PPP2R5E: variants seen among roughly 807,000 people sequenced by gnomAD.
The protein encoded by PPP2R5E is serine/threonine-protein phosphatase 2A 56 kDa regulatory subunit epsilon isoform.
PPP2R5E carries 4 observed loss-of-function variants against 65.3 expected under a neutral mutation model. The observed-to-expected ratio is 0.06, with a 90% CI of 0.03 to 0.14. The LOEUF (loss-of-function observed/expected upper bound fraction) is 0.14, where lower values mean the gene tolerates loss of function less well. Among genes scored for constraint, PPP2R5E ranks in the 10% least tolerant of loss-of-function variants. The pLI is 1.00. For missense variants in PPP2R5E, 274 were observed against 556.1 expected, an observed-to-expected ratio of 0.49 and a Z score of 5.10; for synonymous variants, 183 against 187.4, an observed-to-expected ratio of 0.98 and a Z score of 0.19.
intron 2 of PPP2R5E, among the ~76,000 whole-genome samples, chr14:63,515,148 A>C (rs1892616075): frequency 6.6e-6 from 1 of 152,202 alleles, no homozygotes; most frequent in Non-Finnish European, 1.5e-5. Flanking sequence ...AGGGGAAAAA[A>C]GAAGAAAAAA....
intron 5 of PPP2R5E, among the ~76,000 whole-genome samples, chr14:63,403,428 C>A (rs113665021): frequency 6.8e-6 from 1 of 147,672 alleles, no homozygotes; most frequent in Admixed American, 6.8e-5. Flanking sequence ...AGAATAAAGA[C>A]GTTTTCAGAC....
chr14:63,494,896 CA>C (rs1251543964), intron 2 of PPP2R5E, among the ~76,000 whole-genome samples: 1 of 149,462 alleles, frequency 6.7e-6, no homozygotes, highest in Non-Finnish European at 1.5e-5. Flanking sequence ...GACCTTATCT[CA>C]AAAAACAAAA....
chr14:63,379,652 TA>T (rs1448772172), intron 13 of PPP2R5E, among the ~76,000 whole-genome samples: 2 of 152,150 alleles, frequency 1.3e-5, no homozygotes, highest in Non-Finnish European at 2.9e-5. Flanking sequence ...CAACCAGGAA[TA>T]GATAAAATAA....
At chr14:63,409,371 C>T (rs538116237) in intron 5 of PPP2R5E, among the ~76,000 whole-genome samples, 1 of 152,318 alleles carries the variant, frequency 6.6e-6, no homozygotes, top group East Asian at 1.9e-4. Context: ...TACACCTCTG[C>T]ACTCCAGCCT....
intron 12 of PPP2R5E, 95 bp downstream of exon 12, chr14:63,384,349 C>T (rs1294564468): frequency 5.7e-6 from 8 of 1,414,226 alleles, no homozygotes; most frequent in Middle Eastern, 2.5e-4. Context: ...CATACGTCTT[C>T]AGCAACAAGG....
chr14:63,424,552 C>T (rs553315283), intron 3 of PPP2R5E, among the ~76,000 whole-genome samples: 1 of 152,154 alleles, frequency 6.6e-6, no homozygotes, highest in East Asian at 1.9e-4. Flanking sequence ...GAGATTGAGA[C>T]CATCCTGGCT....
At chr14:63,399,090 A>G (rs1270604028) in intron 5 of PPP2R5E, among the ~76,000 whole-genome samples, 1 of 152,236 alleles carries the variant, frequency 6.6e-6, no homozygotes, top group Non-Finnish European at 1.5e-5. Flanking sequence ...AGCAATATTC[A>G]TAATAGCTAA....
intron 3 of PPP2R5E, among the ~76,000 whole-genome samples, chr14:63,439,315 T>C (rs547045323): frequency 6.6e-6 from 1 of 151,934 alleles, no homozygotes; most frequent in East Asian, 1.9e-4. Flanking sequence ...TCACCTGGGA[T>C]CACATAGTTC....
intron 4 of PPP2R5E, among the ~76,000 whole-genome samples, chr14:63,417,163 T>C (rs998385117): frequency 3.9e-5 from 6 of 152,202 alleles, no homozygotes; most frequent in Admixed American, 1.3e-4. Context: ...TATTGGTTCA[T>C]TGAGTTACGC....
At chr14:63,478,566 T>G (rs529668750) in intron 2 of PPP2R5E, among the ~76,000 whole-genome samples, 109 of 147,186 alleles carry the variant, frequency 7.4e-4, no homozygotes, top group African/African-American at 2.8e-3. Flanking sequence ...ACAGTACAGG[T>G]AATGCAGATT....
rs1435549142 is a variant in PPP2R5E at position 63,542,818 on chromosome 14, C to G, written c.-47G>C. ...GGAAGAATCCAAAGATGATCTGTGG[C>G]TTGGAGGGGCGGGAGACGGGCGAGG... On this transcript the variant is annotated 5_prime_UTR_variant, in exon 1 of 14. Coordinates refer to ENST00000337537, the MANE Select transcript of PPP2R5E (RefSeq NM_006246.5). The G allele has an allele frequency of 6.5e-6, 1 of 152,686 alleles. No individual in the cohort carries two copies. The highest frequency in any genetic ancestry group is 1.5e-5 in the Non-Finnish European group (1 of 68,118). 9.5% of individuals were successfully genotyped at this position (152,686 alleles called of 1,614,324 possible).
chr14:63,412,941 A>G (rs1886482348), intron 5 of PPP2R5E, among the ~76,000 whole-genome samples: 1 of 152,236 alleles, frequency 6.6e-6, no homozygotes, highest in African/African-American at 2.4e-5. Context: ...TGTCTGGGCT[A>G]CAGATATACT....
intron 2 of PPP2R5E, among the ~76,000 whole-genome samples, chr14:63,517,973 A>G (rs1892734067): frequency 6.6e-6 from 1 of 152,276 alleles, no homozygotes; most frequent in Non-Finnish European, 1.5e-5. Context: ...GCAGTAGTTC[A>G]TAAAATAGGG....
At chr14:63,393,772 C>A in intron 8 of PPP2R5E, 48 bp downstream of exon 8, 2 of 1,351,434 alleles carry the variant, frequency 1.5e-6, no homozygotes, top group South Asian at 1.3e-5. Context: ...AACGAGTTTG[C>A]AAACTTTTTA....
chr14:63,488,763 T>C (rs1891134751), intron 2 of PPP2R5E, among the ~76,000 whole-genome samples: 1 of 151,908 alleles, frequency 6.6e-6, no homozygotes, highest in South Asian at 2.1e-4. Flanking sequence ...GCAAGGGAAT[T>C]GCTTGAACCC....
At chr14:63,486,717 C>G (rs1484322325) in intron 2 of PPP2R5E, among the ~76,000 whole-genome samples, 2 of 152,100 alleles carry the variant, frequency 1.3e-5, no homozygotes, top group Non-Finnish European at 2.9e-5. Flanking sequence ...CTTTAAGTCC[C>G]AGTCTGTGGC....
At chr14:63,445,673 T>C (rs922638803) in intron 3 of PPP2R5E, among the ~76,000 whole-genome samples, 1 of 152,046 alleles carries the variant, frequency 6.6e-6, no homozygotes, top group Non-Finnish European at 1.5e-5. Flanking sequence ...TGAAACCCCA[T>C]CTCTACTAAA....
At chr14:63,393,156 G>T (rs968592689) in intron 8 of PPP2R5E, among the ~76,000 whole-genome samples, 6 of 152,144 alleles carry the variant, frequency 3.9e-5, no homozygotes, top group Non-Finnish European at 7.4e-5. Flanking sequence ...AAATATTCAA[G>T]AACATTAAAA....
chr14:63,482,203 G>A (rs192018085), intron 2 of PPP2R5E, among the ~76,000 whole-genome samples: 34 of 152,334 alleles, frequency 2.2e-4, no homozygotes, highest in Admixed American at 2.0e-3. Context: ...AGTGACTCAT[G>A]TCTGTAATCC....
Sources: gnomAD v4.1 joint callset for allele counts (sites outside exome capture counted in the v4.1 genomes callset) on GRCh38, gnomAD v4.1.1 for gene constraint, MANE v1.5 for transcripts, NCBI Gene and HGNC (gene_info 2026-07-23, HGNC 2026-07-21) for gene names.